NACA: variants seen among roughly 807,000 people sequenced by gnomAD.
NACA encodes the protein nascent polypeptide associated complex subunit alpha.
In NACA, 42 loss-of-function variants were observed where a neutral mutation model predicts 86.4. The ratio of observed to expected loss-of-function variants is 0.49; its 90% CI spans 0.38 to 0.63. The LOEUF (loss-of-function observed/expected upper bound fraction) is 0.63, where lower values mean the gene tolerates loss of function less well. NACA is among the 20% of genes least tolerant of loss of function. The probability of loss-of-function intolerance (pLI) is 0.00; values close to 1 mark genes in which losing one functional copy is unlikely to be tolerated. For synonymous variants in NACA, 898 were observed against 973.7 expected (o/e 0.92, Z 1.45); for missense variants, 2,157 against 2,483.6 (o/e 0.87, Z 2.80).
At chr12:56,714,012 A>ATT (rs1418771679) in intron 5 of NACA, 5 of 368,672 alleles carry the variant, frequency 1.4e-5, no homozygotes, top group Non-Finnish European at 2.5e-5. Flanking sequence ...CCTGCTATAT[A>ATT]TTTTTGGTAT....
rs1359254718 is a variant in NACA, at chr12:56,719,834, C to T, written c.1696G>A (p.Ala566Thr). 1 of 1,613,618 alleles carries T rather than the reference C, an allele frequency of 6.2e-7. No individual in the cohort carries two copies. Among genetic ancestry groups the T allele is most frequent in the Non-Finnish European group, 8.5e-7 (1 of 1,179,824 alleles). Residue 566 changes from alanine (A) to threonine (T), a missense_variant, in exon 3 of 9, where the codon GCC (alanine) becomes ACC (threonine). Around this residue, in one of 8 missense-constraint regions of NACA, gnomAD observed 947 missense variants for 917.9 expected, o/e 1.03. Coordinates refer to ENST00000454682, the MANE Select transcript of NACA (RefSeq NM_001365896.1). ...DPTVLPLVQA[A>T]PKNSPSFQST... ...TGGAAAGAAGGGGAATTTTTAGGGG[C>T]TGCCTGGACTAACGGTAATACAGTA...
intron 8 of NACA, 70 bp downstream of exon 8, chr12:56,712,716 A>G: frequency 6.2e-7 from 1 of 1,607,966 alleles, no homozygotes; most frequent in Non-Finnish European, 8.5e-7. Context: ...GATATTTAGC[A>G]AGACAAAATA....
At position 56,719,753 on chromosome 12, in the gene NACA, T is replaced by A; in HGVS notation, c.1777A>T (p.Lys593Ter). Residue 593 changes from lysine (K) to a stop codon, truncating the protein, a stop_gained, in exon 3 of 9, where the codon AAA (lysine) becomes TAA (stop). Coordinates refer to ENST00000454682, the MANE Select transcript of NACA (RefSeq NM_001365896.1). LOFTEE classifies it high-confidence loss of function. The stretch of plus-strand genomic sequence containing the variant: ...ATAGGGAGAGGCTCCCCAAGGCTTT[T>A]CTTTGCTAGGGTGGCTTCAGGAGAA... ...PLSPEATLAKKSLGEPLPIGK... is the reference protein window; with the variant it reads ...PLSPEATLAK 1 of 1,613,894 alleles carries A rather than the reference T, an allele frequency of 6.2e-7. No individual in the cohort carries two copies. Among genetic ancestry groups the A allele is most frequent in the South Asian group, 1.1e-5 (1 of 91,080 alleles).
rs1439759105 is a variant in NACA at position 56,720,799 on chromosome 12, G to C, written c.731C>G (p.Pro244Arg). 1.2e-6 allele frequency: 2 copies of C among 1,613,988 alleles called. No individual in the cohort carries two copies. The highest frequency in any genetic ancestry group is 2.2e-5 in the East Asian group (1 of 44,882). The change falls in exon 3 of 9, where the codon CCT becomes CGT. Residue 244 changes from proline to arginine, a missense_variant. This residue lies in a region of NACA where 947 missense variants were observed against 917.9 expected (regional missense o/e 1.03). Coordinates refer to ENST00000454682, the MANE Select transcript of NACA (RefSeq NM_001365896.1). ...GGAAATGGTGGTATCTTTGACTTGA[G>C]GGGAAGCGATGGCTAGGGTAGTTGT... The part of the protein sequence containing the change: ...TPTTTLAIAS[P>R]QVKDTTISSV...
chr12:56,716,106 G>T lies in NACA; in HGVS notation c.5424C>A (p.Pro1808=). 6.2e-7 allele frequency: 1 copy of T among 1,613,492 alleles called. No homozygotes were observed. The highest frequency in any genetic ancestry group is 8.5e-7 in the Non-Finnish European group (1 of 1,179,756). The change falls in exon 3 of 9, where the codon CCC becomes CCA. Residue 1808 remains proline (P), a synonymous_variant. Coordinates refer to ENST00000454682, the MANE Select transcript of NACA (RefSeq NM_001365896.1). ...GAAATTGCTGTTTAGGAGGCAGAGT[G>T]GGAACTGGGGAGGGAGCAAGAGGCA... ...VSLPLAPSPV[P]TLPPKQQFLP... is the part of the protein sequence containing the mutation.
In NACA at chr12:56,716,146, GA is replaced by G; in HGVS notation, c.5383del (p.Ser1795ProfsTer49). ...AGCAAGAGGCAGAGAGACTGGTGGG[GA>G]GGGTGCTGCAGAGACAGATGCTGAT... Reference protein sequence around the residue: ...PESASVSAAPSPPVSLPLAPS... With the variant: ...PESASVSAAPXPPVSLPLAPS... On this transcript the variant is annotated frameshift_variant, in exon 3 of 9. Transcript: ENST00000454682. LOFTEE classifies it high-confidence loss of function. 1 of 1,613,394 alleles carries G rather than the reference GA, an allele frequency of 6.2e-7. No homozygotes were observed. The highest frequency in any genetic ancestry group is 8.5e-7 in the Non-Finnish European group (1 of 1,179,666).
rs773248329 is a variant in NACA at position 56,716,007 on chromosome 12, C to T, written c.5523G>A (p.Leu1841=). 1.3e-5 allele frequency: 20 copies of T among 1,596,356 alleles called. No homozygotes were observed. The highest frequency in any genetic ancestry group is 1.2e-4 in the South Asian group (11 of 88,760). ...PLAPADEDEL[L]PLIPPEPISG... ...AGATTGGTTCCGGGGGAATCAGAGGCAGCAGCTCATCCTCATCAGCAGGGG... is the reference window on the plus strand; with the variant it reads ...AGATTGGTTCCGGGGGAATCAGAGGTAGCAGCTCATCCTCATCAGCAGGGG... The change falls in exon 3 of 9, where the codon CTG becomes CTA. Residue 1841 remains leucine, a synonymous_variant. Transcript: ENST00000454682.
Position 56,720,012 on chromosome 12 carries a change from A to T in NACA, c.1518T>A (p.Ser506=). The change falls in exon 3 of 9, where the codon TCT becomes TCA. Residue 506 remains serine, a synonymous_variant. Transcript: ENST00000454682. The part of the protein sequence containing the change: ...QVATTLRIPV[S]PPLPDPEDLK... The stretch of plus-strand genomic sequence containing the variant: ...GGTCTTCAGGGTCTGGCAGAGGAGG[A>T]GAGACTGGTATCCTCAGAGTGGTTG... 1 of 1,613,782 alleles carries T rather than the reference A, an allele frequency of 6.2e-7. No individual in the cohort carries two copies. Among genetic ancestry groups the T allele is most frequent in the Non-Finnish European group, 8.5e-7 (1 of 1,179,840 alleles).
chr12:56,713,320 C>A lies in NACA; in HGVS notation c.5971-130G>T, dbSNP rs1167103849. ...TACAGCTTTAAACTGCTTGCCCTCACAGTAGAAAGAGTAGTTGTTTAGGTT... is the reference window on the plus strand; with the variant it reads ...TACAGCTTTAAACTGCTTGCCCTCAAAGTAGAAAGAGTAGTTGTTTAGGTT... On this transcript the variant is annotated intron_variant, in intron 6 of 8. Coordinates refer to ENST00000454682, the MANE Select transcript of NACA (RefSeq NM_001365896.1). The A allele has an allele frequency of 5.4e-6, 7 of 1,300,658 alleles. No individual in the cohort carries two copies. The East Asian group carries it at 1.5e-4, about 28-fold the overall frequency. 80.6% of individuals were successfully genotyped at this position (1,300,658 alleles called of 1,614,324 possible). A position where few individuals can be genotyped will look rare whatever the true frequency, so the allele number is the denominator to read the frequency against.
chr12:56,723,870 A>G (rs1953640182), intron 2 of NACA, among the ~76,000 whole-genome samples: 1 of 152,176 alleles, frequency 6.6e-6, no homozygotes, highest in African/African-American at 2.4e-5. Flanking sequence ...AAAAGGATTT[A>G]TTTCAATCCT....
At position 56,717,328 on chromosome 12, in the gene NACA, T is replaced by C. The variant is rs1272855856; in HGVS notation, c.4202A>G (p.Asp1401Gly). Residue 1401 changes from aspartate (D) to glycine (G), a missense_variant, in exon 3 of 9, where the codon GAC becomes GGC. Asp to Gly is a moderately conservative substitution (Grantham distance 94). Coordinates refer to ENST00000454682, the MANE Select transcript of NACA (RefSeq NM_001365896.1). Reference sequence around the variant, plus strand: ...AGGAATCACTGCTGGGGAAGTGGGGTCCCCTTTGGGAGATGGGATAGCTGG... The same window carrying C: ...AGGAATCACTGCTGGGGAAGTGGGGCCCCCTTTGGGAGATGGGATAGCTGG... ...RGPAIPSPKG[D>G]PTSPAVIPLS... 7.6e-7 allele frequency: 1 copy of C among 1,321,156 alleles called. No individual in the cohort carries two copies. The highest frequency in any genetic ancestry group is 3.6e-5 in the East Asian group (1 of 27,746). 81.8% of individuals were successfully genotyped at this position (1,321,156 alleles called of 1,614,324 possible).
Position 56,721,397 on chromosome 12 carries a change from G to A in NACA, c.133C>T (p.Leu45Phe), listed in dbSNP as rs764479967. Residue 45 changes from leucine (L) to phenylalanine (F), a missense_variant, in exon 3 of 9, where the codon CTC (leucine) becomes TTC (phenylalanine). Coordinates refer to ENST00000454682, the MANE Select transcript of NACA (RefSeq NM_001365896.1). ...TAALGQPGPT[L>F]PPPCSPAPQQ... ...GGGGCAGGAGAGCAAGGAGGGGGGAGGGTAGGTCCAGGCTGCCCTAAGGCA... is the reference window on the plus strand; with the variant it reads ...GGGGCAGGAGAGCAAGGAGGGGGGAAGGTAGGTCCAGGCTGCCCTAAGGCA... The A allele has an allele frequency of 4.5e-6, 7 of 1,566,988 alleles. No individual in the cohort carries two copies. Among genetic ancestry groups the A allele is most frequent in the African/African-American group, 1.4e-5 (1 of 73,134 alleles).
chr12:56,713,238 G>A, intron 6 of NACA, 48 bp from the exon 7 acceptor site: 1 of 1,593,610 alleles, frequency 6.3e-7, no homozygotes. Flanking sequence ...AGCAGTCTTT[G>A]AAAAATAAAT....
chr12:56,724,636 G>T, intron 1 of NACA, 113 bp from the exon 2 acceptor site: 1 of 1,184,020 alleles, frequency 8.4e-7, no homozygotes, highest in Non-Finnish European at 1.2e-6. Flanking sequence ...AAAAAATCGT[G>T]AGGGTGTTTG....
rs1308649189 is a variant in NACA at position 56,719,797 on chromosome 12, G to A, written c.1733C>T (p.Ser578Phe). 6.2e-7 allele frequency: 1 copy of A among 1,613,918 alleles called. No individual in the cohort carries two copies. ...KNSPSFQSTS[S>F]SPEIPLSPEA... ...AGGAGAAAGAGGTATCTCTGGAGAAGAGGATGTACTTTGGAAAGAAGGGGA... is the reference window on the plus strand; with the variant it reads ...AGGAGAAAGAGGTATCTCTGGAGAAAAGGATGTACTTTGGAAAGAAGGGGA... The change falls in exon 3 of 9, where the codon TCT becomes TTT. Residue 578 changes from serine to phenylalanine, a missense_variant. Around this residue, in one of 8 missense-constraint regions of NACA, gnomAD observed 947 missense variants for 917.9 expected, o/e 1.03. Coordinates refer to ENST00000454682, the MANE Select transcript of NACA (RefSeq NM_001365896.1).
chr12:56,724,393 C>G (rs924452337), intron 2 of NACA, 59 bp downstream of exon 2: 2 of 1,520,620 alleles, frequency 1.3e-6, no homozygotes, highest in Non-Finnish European at 8.9e-7. Flanking sequence ...GGTCATTTTG[C>G]CCACCAAATG....
chr12:56,718,272 A>T lies in NACA; in HGVS notation c.3258T>A (p.Thr1086=). ...CTGGGCCTCCTTTTGGGGAGGGAGG[A>T]GTCGCAGCTGGGGGAGTGGGGGCCC... ...LKGAPTPPAA[T]PPSPKGGPAT... The change falls in exon 3 of 9, where the codon ACT becomes ACA. Residue 1086 remains threonine, a synonymous_variant. Coordinates refer to ENST00000454682, the MANE Select transcript of NACA (RefSeq NM_001365896.1). The T allele has an allele frequency of 9.2e-7, 1 of 1,087,282 alleles. No individual in the cohort carries two copies. Among genetic ancestry groups the T allele is most frequent in the Non-Finnish European group, 1.1e-6 (1 of 889,900 alleles). 67.4% of individuals were successfully genotyped at this position (1,087,282 alleles called of 1,614,324 possible).
intron 6 of NACA, 136 bp downstream of exon 6, chr12:56,713,401 A>G: frequency 7.7e-7 from 1 of 1,301,610 alleles, no homozygotes; most frequent in Non-Finnish European, 1.1e-6. Context: ...ATATATGGCA[A>G]TGGAGTTTTT....
Position 56,716,751 on chromosome 12 carries a change from G to C in NACA, c.4779C>G (p.Ala1593=). The change falls in exon 3 of 9, where the codon GCC becomes GCG. Residue 1593 remains alanine, a synonymous_variant. Transcript: ENST00000454682. ...PAVTPSTYKG[A]PSPKELLIPP... is the part of the protein sequence containing the mutation. ...GAATGAGGAGCTCTTTGGGGGATGG[G>C]GCCCCTTTGTAAGTGGAAGGAGTCA... 7.2e-7 allele frequency: 1 copy of C among 1,382,074 alleles called. No individual in the cohort carries two copies. Among genetic ancestry groups the C allele is most frequent in the Non-Finnish European group, 9.6e-7 (1 of 1,045,198 alleles). The allele number at this position is 1,382,074 out of a possible 1,614,324, so 85.6% of individuals were successfully genotyped here. A position where few individuals can be genotyped will look rare whatever the true frequency, so the allele number is the denominator to read the frequency against.
Sources: gnomAD v4.1 joint callset for allele counts (sites outside exome capture counted in the v4.1 genomes callset) on GRCh38, gnomAD v4.1.1 for gene constraint, gnomAD v4.1.1 regional missense constraint, MANE v1.5 for transcripts, NCBI Gene and HGNC (gene_info 2026-07-23, HGNC 2026-07-21) for gene names.